Variants in RAI2 observed in about 807,000 individuals in gnomAD.
The protein encoded by RAI2 is retinoic acid induced 2, also known as retinoic acid-induced protein 2.
Under a neutral mutation model 15.3 loss-of-function variants are expected in RAI2, and 5 were observed. That is an observed-to-expected ratio of 0.33 (90% confidence interval 0.17 to 0.69). The LOEUF (loss-of-function observed/expected upper bound fraction) is 0.69, where lower values mean the gene tolerates loss of function less well. Among genes scored for constraint, RAI2 ranks in the 30% least tolerant of loss-of-function variants. The pLI, the probability that RAI2 is intolerant of heterozygous loss-of-function variation, is 0.69. For missense variants in RAI2, 424 were observed against 424.7 expected, an observed-to-expected ratio of 1.00 and a Z score of 0.01; for synonymous variants, 191 against 184.0, an observed-to-expected ratio of 1.04 and a Z score of -0.31.
At chrX:17,839,399 G>C (rs981041691) in intron 1 of RAI2, among the ~76,000 whole-genome samples, 1 of 112,356 alleles carries the variant, frequency 8.9e-6, no homozygotes, top group African/African-American at 3.2e-5. Context: ...TCGTTGCCAG[G>C]GGAATGCAGA....
At chrX:17,845,631 G>A (rs978965029) in intron 1 of RAI2, among the ~76,000 whole-genome samples, 4 of 112,333 alleles carry the variant, frequency 3.6e-5, no homozygotes, top group South Asian at 7.4e-4. Context: ...TGGGATGGGG[G>A]TGGAGAAAGG....
rs1350884377 is a variant in RAI2, at chrX:17,801,814, T to G, written c.197A>C (p.Gln66Pro). Reference sequence around the variant, plus strand: ...CGCCACCTTCAGAGCCATGCCACTCTGAGACTCGGCAGGGGGGTTCAGAAT... The same window carrying G: ...CGCCACCTTCAGAGCCATGCCACTCGGAGACTCGGCAGGGGGGTTCAGAAT... ...PSILNPPAES[Q>P]SGMALKVAAT... Residue 66 changes from glutamine (Q) to proline (P), a missense_variant, in exon 2 of 2, where the codon CAG becomes CCG. Physicochemically the swap from Gln to Pro is moderately conservative, Grantham distance 76. Coordinates refer to ENST00000451717, the MANE Select transcript of RAI2 (RefSeq NM_021785.6). The G allele has an allele frequency of 2.5e-6, 3 of 1,211,483 alleles. No individual in the cohort carries two copies. Among genetic ancestry groups the G allele is most frequent in the Non-Finnish European group, 3.4e-6 (3 of 895,402 alleles).
intron 1 of RAI2, among the ~76,000 whole-genome samples, chrX:17,815,168 T>C (rs1045094784): frequency 1.8e-5 from 2 of 111,658 alleles, no homozygotes; most frequent in Non-Finnish European, 3.8e-5. Context: ...GGAGCTAATA[T>C]AGCATAAACA....
At position 17,801,300 on chromosome X, in the gene RAI2, G is replaced by A. The variant is rs769789594; in HGVS notation, c.711C>T (p.Ile237=). 21 of 1,179,950 alleles carry A rather than the reference G, an allele frequency of 1.8e-5. No homozygotes were observed. The South Asian group carries it at 2.1e-4, about 12-fold the overall frequency. Residue 237 remains isoleucine (I), a synonymous_variant, in exon 2 of 2, where the codon ATC becomes ATT. Coordinates refer to ENST00000451717, the MANE Select transcript of RAI2 (RefSeq NM_021785.6). ...TAGGGACTGGCACAGGCAAGGGGAC[G>A]ATTACAGGATACGGCACCAAGAGGG... The part of the protein sequence containing the change: ...PATLLVPYPV[I]VPLPVPVPIP...
rs1288910639 is a variant in RAI2 at position 17,802,181 on chromosome X, A to ATATC, written c.-24-151_-24-148dup. 5.3e-5 allele frequency: 35 copies of ATATC among 665,346 alleles called. No individual in the cohort carries two copies. In the Middle Eastern group the frequency reaches 1.6e-3, roughly 30 times the overall value. 54.8% of individuals were successfully genotyped at this position (665,346 alleles called of 1,213,427 possible). On this transcript the variant is annotated intron_variant, in intron 1 of 1. Transcript: ENST00000451717. ...CTCTATGTATATGTTCAGGTTATAG[A>ATATC]TATCTCCTAATATATACAAACACAA... is the stretch of plus-strand genomic sequence containing the variant.
intron 1 of RAI2, among the ~76,000 whole-genome samples, chrX:17,847,411 T>C (rs1342355478): frequency 8.9e-6 from 1 of 112,190 alleles, no homozygotes; most frequent in Admixed American, 9.4e-5. Flanking sequence ...TCCTGAAAAC[T>C]GCTCAGGATG....
chrX:17,810,379 T>G (rs1239862052), intron 1 of RAI2, among the ~76,000 whole-genome samples: 7 of 112,272 alleles, frequency 6.2e-5, no homozygotes. Context: ...GTTTGACAGG[T>G]GAGGAGCTTG....
At chrX:17,837,153 G>A (rs922130860) in intron 1 of RAI2, among the ~76,000 whole-genome samples, 1 of 111,699 alleles carries the variant, frequency 9.0e-6, no homozygotes, top group African/African-American at 3.3e-5. Context: ...GGAGAGAGCT[G>A]CAGGGGTTCG....
chrX:17,829,999 C>A (rs913625302), intron 1 of RAI2, among the ~76,000 whole-genome samples: 5 of 112,729 alleles, frequency 4.4e-5, no homozygotes, highest in African/African-American at 1.6e-4. Context: ...CCAGAGAGAA[C>A]CTTCCCCTTT....
intron 1 of RAI2, among the ~76,000 whole-genome samples, chrX:17,834,767 G>A (rs760045896): frequency 1.8e-5 from 2 of 111,290 alleles, no homozygotes; most frequent in Admixed American, 1.9e-4. Flanking sequence ...GGTAAGAGAA[G>A]AGAGGTGGGA....
intron 1 of RAI2, among the ~76,000 whole-genome samples, chrX:17,845,264 C>A (rs1246953778): frequency 8.9e-6 from 1 of 112,660 alleles, no homozygotes; most frequent in African/African-American, 3.2e-5. Context: ...ACCACATGGC[C>A]ATGGCCGAGG....
At chrX:17,815,420 C>T (rs1470837378) in intron 1 of RAI2, among the ~76,000 whole-genome samples, 1 of 110,710 alleles carries the variant, frequency 9.0e-6, no homozygotes, top group Non-Finnish European at 1.9e-5. Flanking sequence ...AAGGGGGATC[C>T]TTAAATCAGG....
intron 1 of RAI2, among the ~76,000 whole-genome samples, chrX:17,848,044 A>T (rs530494473): frequency 8.9e-6 from 1 of 112,133 alleles, no homozygotes; most frequent in Non-Finnish European, 1.9e-5. Flanking sequence ...AGAGGACTTA[A>T]CTTCATGCCT....
chrX:17,819,456 T>C (rs2067141527), intron 1 of RAI2, among the ~76,000 whole-genome samples: 2 of 112,374 alleles, frequency 1.8e-5, no homozygotes, highest in African/African-American at 6.5e-5. Flanking sequence ...AGTAACTACC[T>C]GCCCTGTTGT....
At chrX:17,849,047 G>C (rs767557061) in intron 1 of RAI2, among the ~76,000 whole-genome samples, 6 of 112,572 alleles carry the variant, frequency 5.3e-5, no homozygotes, top group Admixed American at 9.3e-5. Flanking sequence ...GGACAGCAGT[G>C]GGAAGGAAGC....
chrX:17,803,995 T>C (rs907118226), intron 1 of RAI2, among the ~76,000 whole-genome samples: 1 of 108,431 alleles, frequency 9.2e-6, no homozygotes, highest in Non-Finnish European at 1.9e-5. Flanking sequence ...AGTCCTGCTC[T>C]GCAGCCCAGG....
At chrX:17,839,037 A>G (rs1038570529) in intron 1 of RAI2, among the ~76,000 whole-genome samples, 1 of 112,024 alleles carries the variant, frequency 8.9e-6, no homozygotes, top group African/African-American at 3.2e-5. Context: ...CACTGTCATC[A>G]TCATCATCAT....
rs199687946 is a variant in RAI2 at position 17,801,480 on chromosome X, C to T, written c.531G>A (p.Pro177=). The change falls in exon 2 of 2, where the codon CCG becomes CCA. Residue 177 remains proline, a synonymous_variant. Coordinates refer to ENST00000451717, the MANE Select transcript of RAI2 (RefSeq NM_021785.6). The part of the protein sequence containing the change: ...QLLDLRIPSQ[P]QEPTLPFEAV... The stretch of plus-strand genomic sequence containing the variant: ...CTTCAAATGGCAAAGTGGGCTCCTG[C>T]GGCTGGCTGGGGATCCTCAGGTCCA... 6.0e-6 allele frequency: 7 copies of T among 1,176,108 alleles called. No homozygotes were observed. In the South Asian group the frequency reaches 7.9e-5, roughly 13 times the overall value.
At chrX:17,860,454 C>T (rs1371749108) in intron 1 of RAI2, 1 of 112,769 alleles carries the variant, frequency 8.9e-6, no homozygotes, top group Non-Finnish European at 1.9e-5. Context: ...TGCGGCCACC[C>T]CGGGGCTGGG....
Sources: allele counts gnomAD v4.1 joint callset (sites outside exome capture counted in the v4.1 genomes callset), GRCh38; gene constraint gnomAD v4.1.1; transcripts MANE v1.5; gene names NCBI Gene and HGNC (gene_info 2026-07-23, HGNC 2026-07-21).